PEBP4: variants seen among roughly 807,000 people sequenced by gnomAD.
The protein encoded by PEBP4 is phosphatidylethanolamine binding protein 4.
PEBP4 carries 22 observed loss-of-function variants against 23.9 expected under a neutral mutation model. The observed-to-expected ratio is 0.92, with a 90% confidence interval of 0.66 to 1.31. The LOEUF (loss-of-function observed/expected upper bound fraction) is 1.31, where lower values mean the gene tolerates loss of function less well. PEBP4 is among the 40% of genes most tolerant of loss of function. The pLI is 0.00. For missense variants in PEBP4, 324 were observed against 281.7 expected, an observed-to-expected ratio of 1.15 and a Z score of -1.07; for synonymous variants, 112 against 99.3, an observed-to-expected ratio of 1.13 and a Z score of -0.76.
chr8:22,859,990 G>A (rs1023212955), intron 3 of PEBP4, among the ~76,000 whole-genome samples: 12 of 150,910 alleles, frequency 8.0e-5, no homozygotes, highest in Admixed American at 2.0e-4. Flanking sequence ...GATGGTGCAC[G>A]CCTAAAGTCT....
At chr8:22,803,951 C>T (rs1021573548) in intron 4 of PEBP4, among the ~76,000 whole-genome samples, 1 of 152,196 alleles carries the variant, frequency 6.6e-6, no homozygotes, top group Non-Finnish European at 1.5e-5. Flanking sequence ...TGTAAGTCAC[C>T]GTCATTCCTC....
chr8:22,716,463 G>T lies in PEBP4; in HGVS notation c.518-2927C>A, dbSNP rs184340999. On this transcript the variant is annotated intron_variant, in intron 6 of 6. Coordinates refer to ENST00000256404, the MANE Select transcript of PEBP4 (RefSeq NM_144962.3). ...GTGCCTGGCCTCCTATTAGGCTCTA[G>T]GGGGGAAAGATGTCCCCTGTCTTCA... is the stretch of plus-strand genomic sequence containing the variant. 2.0e-5 allele frequency among the ~76,000 whole-genome samples: 3 copies of T among 152,312 alleles called. No homozygotes were observed. In the East Asian group the frequency reaches 5.8e-4, roughly 29 times the overall value.
chr8:22,833,041 T>A (rs974448483), intron 3 of PEBP4, among the ~76,000 whole-genome samples: 1 of 152,202 alleles, frequency 6.6e-6, no homozygotes, highest in Non-Finnish European at 1.5e-5. Context: ...TTACCCTGTC[T>A]CACCCATTCC....
At chr8:22,734,076 G>C in intron 4 of PEBP4, among the ~76,000 whole-genome samples, 1 of 152,246 alleles carries the variant, frequency 6.6e-6, no homozygotes, top group East Asian at 1.9e-4. Flanking sequence ...CTGCCTGCAG[G>C]CTGCCAAGTG....
chr8:22,757,100 C>G (rs1313403202), intron 4 of PEBP4: 1 of 152,294 alleles, frequency 6.6e-6, no homozygotes, highest in Admixed American at 6.5e-5. Context: ...AACAGGTCCA[C>G]AGCAGTCGTC....
intron 4 of PEBP4, among the ~76,000 whole-genome samples, chr8:22,734,696 C>G (rs1027407708): frequency 6.6e-6 from 1 of 152,072 alleles, no homozygotes; most frequent in African/African-American, 2.4e-5. Context: ...TGGGTGGGCA[C>G]TATTGAAAGG....
rs533259794 is a variant in PEBP4 at position 22,788,437 on chromosome 8, T to C, written c.357+29200A>G. ...GAGGTGACGCAGGGAGGGAAGGCCC[T>C]AGAAGCCCTGAGTTATGGCAGTGGG... On this transcript the variant is annotated intron_variant, in intron 4 of 6. Transcript: ENST00000256404. 1.8e-4 allele frequency among the ~76,000 whole-genome samples: 27 copies of C among 152,302 alleles called. 1 individual carries two copies. Among genetic ancestry groups the C allele is most frequent in the Middle Eastern group, 3.4e-3 (1 of 294 alleles).
At chr8:22,925,938 G>A (rs993095053) in intron 2 of PEBP4, among the ~76,000 whole-genome samples, 9 of 152,120 alleles carry the variant, frequency 5.9e-5, no homozygotes, top group African/African-American at 1.4e-4. Context: ...CTCCTTCCAC[G>A]TGAAAACTTC....
At chr8:22,736,160 G>A (rs543551952) in intron 4 of PEBP4, among the ~76,000 whole-genome samples, 5 of 152,136 alleles carry the variant, frequency 3.3e-5, no homozygotes, top group Non-Finnish European at 1.5e-5. Context: ...CAGAGAGCTG[G>A]CTGAGCCACA....
intron 4 of PEBP4, among the ~76,000 whole-genome samples, chr8:22,800,413 C>G (rs1806358672): frequency 6.6e-6 from 1 of 151,984 alleles, no homozygotes; most frequent in Non-Finnish European, 1.5e-5. Flanking sequence ...CAGATGGATT[C>G]AAGGGCTTTT....
chr8:22,925,818 G>T (rs191711375), intron 2 of PEBP4, among the ~76,000 whole-genome samples: 54 of 152,286 alleles, frequency 3.5e-4, no homozygotes, highest in African/African-American at 1.3e-3. Context: ...GGTTACGGGG[G>T]TGTTGACCTT....
At chr8:22,821,308 A>G (rs1342140175) in intron 3 of PEBP4, among the ~76,000 whole-genome samples, 1 of 152,224 alleles carries the variant, frequency 6.6e-6, no homozygotes, top group Admixed American at 6.5e-5. Flanking sequence ...TACTCTGGAG[A>G]AAGACCACAG....
chr8:22,901,419 C>T lies in PEBP4; in HGVS notation c.258+18765G>A, dbSNP rs1190936701. Among the ~76,000 whole-genome samples, 4 of 152,198 alleles carry T rather than the reference C, an allele frequency of 2.6e-5. No individual in the cohort carries two copies. The East Asian group carries it at 7.7e-4, about 29-fold the overall frequency. ...AGTTGTGAGGATGACTCTCTCTGCC[C>T]TCTTGGAACTACCTAGGATCGGTCC... On this transcript the variant is annotated intron_variant, in intron 3 of 6. Coordinates refer to ENST00000256404, the MANE Select transcript of PEBP4 (RefSeq NM_144962.3).
At chr8:22,906,652 C>T (rs532443511) in intron 3 of PEBP4, among the ~76,000 whole-genome samples, 3 of 152,368 alleles carry the variant, frequency 2.0e-5, no homozygotes, top group South Asian at 2.1e-4. Context: ...CCATCATCCT[C>T]ATCTACCAAA....
chr8:22,809,313 C>T (rs1355679250), intron 4 of PEBP4, among the ~76,000 whole-genome samples: 1 of 152,194 alleles, frequency 6.6e-6, no homozygotes, highest in East Asian at 1.9e-4. Context: ...CCTGCGTCCA[C>T]ACTGCACTTG....
At chr8:22,915,026 G>A (rs1044874852) in intron 3 of PEBP4, among the ~76,000 whole-genome samples, 5 of 151,918 alleles carry the variant, frequency 3.3e-5, no homozygotes, top group Admixed American at 6.5e-5. Flanking sequence ...TTACCCACTC[G>A]CCTGCTCATC....
chr8:22,795,178 T>TA (rs1652774155), intron 4 of PEBP4, among the ~76,000 whole-genome samples: 2 of 88,248 alleles, frequency 2.3e-5, no homozygotes, highest in Non-Finnish European at 4.4e-5. Flanking sequence ...TTTTTTTTTT[T>TA]TTTTTTTTTT....
Position 22,927,613 on chromosome 8 carries a change from G to A in PEBP4, c.102C>T (p.Ala34=). ...AAAAGAGGGTGTCCTCGTCCAAGAG[G>A]GCCTCATGGGCACACGGGCTGTTCT... The part of the protein sequence containing the change: ...EDENSPCAHE[A]LLDEDTLFCQ... Residue 34 remains alanine (A), a synonymous_variant, in exon 2 of 7, where the codon GCC becomes GCT. Coordinates refer to ENST00000256404, the MANE Select transcript of PEBP4 (RefSeq NM_144962.3). The A allele has an allele frequency of 3.1e-6, 5 of 1,612,410 alleles. No individual in the cohort carries two copies. The highest frequency in any genetic ancestry group is 4.2e-6 in the Non-Finnish European group (5 of 1,179,278).
intron 3 of PEBP4, among the ~76,000 whole-genome samples, chr8:22,853,519 G>T (rs117848196): frequency 0.024 from 3,696 of 152,314 alleles, 51 homozygotes; most frequent in East Asian, 0.063. Context: ...TAAGTAGGAA[G>T]GTACCCTTCT....
Sources: allele counts gnomAD v4.1 joint callset (sites outside exome capture counted in the v4.1 genomes callset), GRCh38; gene constraint gnomAD v4.1.1; transcripts MANE v1.5; gene names NCBI Gene and HGNC (gene_info 2026-07-23, HGNC 2026-07-21).